Variants in SLC23A2 observed in about 807,000 individuals in gnomAD.
The protein encoded by SLC23A2 is solute carrier family 23 member 2, also known as Na(+)/L-ascorbic acid transporter 2.
A neutral mutation model predicts 73.3 loss-of-function variants in SLC23A2; 36 were observed. The observed-to-expected ratio is 0.49, with a 90% CI of 0.38 to 0.65. The LOEUF is 0.65. SLC23A2 is among the 30% of genes least tolerant of loss of function. The pLI is 0.00. For missense variants in SLC23A2, 507 were observed against 841.6 expected (o/e 0.60, Z 4.92); for synonymous variants, 343 against 327.3 (o/e 1.05, Z -0.52).
rs546987001 is a variant in SLC23A2, at chr20:4,872,376, G to A, written c.1102+1560C>T. On this transcript the variant is annotated intron_variant, in intron 11 of 16. Transcript: ENST00000338244. This position sits in a 1 kb window ranked among gnomAD's most constrained non-coding sequence, Gnocchi z 4.4. The stretch of plus-strand genomic sequence containing the variant: ...CCAGGAGCCCTACGTGCTCGCTCAC[G>A]GCCAGCACAACCTCAGGCGCTCTGT... Among the ~76,000 whole-genome samples the A allele has an allele frequency of 5.1e-4, 78 of 152,240 alleles. No individual in the cohort carries two copies. The highest frequency in any genetic ancestry group is 1.2e-3 in the African/African-American group (51 of 41,548).
chr20:4,986,689 C>CACAG (rs71197739), intron 1 of SLC23A2, among the ~76,000 whole-genome samples: 3 of 129,964 alleles, frequency 2.3e-5, no homozygotes, highest in South Asian at 2.8e-4. Flanking sequence ...CACACACACA[C>CACAG]AGAGATGAAT....
rs1201195893 is a variant in SLC23A2 at position 4,998,475 on chromosome 20, G to C, written c.-282+2931C>G. Reference sequence around the variant, plus strand: ...GAGAAAATGAGAAGAACGGCATAGCGCACAAAGGGCTCGTTTCAACCTAGA... The same window carrying C: ...GAGAAAATGAGAAGAACGGCATAGCCCACAAAGGGCTCGTTTCAACCTAGA... On this transcript the variant is annotated intron_variant, in intron 1 of 16. Transcript: ENST00000338244. This position sits in a 1 kb window ranked among gnomAD's most constrained non-coding sequence, Gnocchi z 4.1. Among the ~76,000 whole-genome samples the C allele has an allele frequency of 6.6e-6, 1 of 152,090 alleles. No individual in the cohort carries two copies. The highest frequency in any genetic ancestry group is 2.4e-5 in the African/African-American group (1 of 41,416).
At chr20:4,962,551 T>C (rs937204003) in intron 2 of SLC23A2, among the ~76,000 whole-genome samples, 2 of 152,118 alleles carry the variant, frequency 1.3e-5, no homozygotes, top group African/African-American at 4.8e-5. Context: ...AGAGCTGATA[T>C]AAACTGGAAG....
intron 2 of SLC23A2, among the ~76,000 whole-genome samples, chr20:4,938,784 C>T (rs2086999626): frequency 6.6e-6 from 1 of 152,186 alleles, no homozygotes; most frequent in Admixed American, 6.5e-5. Flanking sequence ...CCCCCTTTCC[C>T]AGTCCCTCAT....
At chr20:4,892,275 C>G (rs1293669876) in intron 6 of SLC23A2, among the ~76,000 whole-genome samples, 4 of 152,144 alleles carry the variant, frequency 2.6e-5, no homozygotes, top group Non-Finnish European at 5.9e-5. Context: ...CAACCTCTGC[C>G]TCTCGGGTTC....
chr20:4,897,080 T>A (rs530147223), intron 6 of SLC23A2, among the ~76,000 whole-genome samples: 21 of 152,192 alleles, frequency 1.4e-4, no homozygotes, highest in Non-Finnish European at 2.6e-4. Context: ...CTGCAAGCCA[T>A]GTGCTTCGAT....
At chr20:4,892,099 G>A (rs926531437) in intron 6 of SLC23A2, among the ~76,000 whole-genome samples, 1 of 152,026 alleles carries the variant, frequency 6.6e-6, no homozygotes, top group Non-Finnish European at 1.5e-5. Flanking sequence ...AACAGGGCTT[G>A]GAGAGAGCTT....
At chr20:4,982,386 C>T (rs1357499700) in intron 1 of SLC23A2, among the ~76,000 whole-genome samples, 1 of 152,190 alleles carries the variant, frequency 6.6e-6, no homozygotes, top group Non-Finnish European at 1.5e-5. Flanking sequence ...TGCAGATAAA[C>T]ATTGTCTCAA....
At chr20:5,003,152 G>T (rs991079316), upstream of SLC23A2, among the ~76,000 whole-genome samples, 9 of 152,178 alleles carry the variant, frequency 5.9e-5, no homozygotes, top group Admixed American at 6.5e-5. Flanking sequence ...GGGAGGCCGA[G>T]GCAGGCGGAT....
intron 1 of SLC23A2, among the ~76,000 whole-genome samples, chr20:4,989,937 G>C (rs1172688339): frequency 3.3e-5 from 5 of 152,050 alleles, no homozygotes; most frequent in Admixed American, 6.6e-5. Flanking sequence ...CACACCAAAG[G>C]ACTCCACTTC....
chr20:4,900,853 T>C (rs1278131193), intron 5 of SLC23A2, among the ~76,000 whole-genome samples: 2 of 152,194 alleles, frequency 1.3e-5, no homozygotes, highest in African/African-American at 4.8e-5. Context: ...GCAAACTTCC[T>C]ACTTTTCTTC....
chr20:4,890,388 C>T (rs1226646376), intron 6 of SLC23A2, among the ~76,000 whole-genome samples: 3 of 152,174 alleles, frequency 2.0e-5, no homozygotes, highest in Non-Finnish European at 4.4e-5. Flanking sequence ...CGTGGTGGCT[C>T]ATGCCTGTAA....
At position 4,867,793 on chromosome 20, in the gene SLC23A2, T is replaced by A; in HGVS notation, c.1333A>T (p.Ile445Phe). The A allele has an allele frequency of 6.3e-7, 1 of 1,599,736 alleles. No homozygotes were observed. Among genetic ancestry groups the A allele is most frequent in the Non-Finnish European group, 8.6e-7 (1 of 1,167,536 alleles). Reference sequence around the variant, plus strand: ...ACCTTTGTAATTCCCAAAACTCCAATGTTGGGACTGGATGAAGTAGAGCCA... The same window carrying A: ...ACCTTTGTAATTCCCAAAACTCCAAAGTTGGGACTGGATGAAGTAGAGCCA... ...GNGSTSSSPN[I>F]GVLGITKVGS... Residue 445 changes from isoleucine to phenylalanine, a missense_variant, in exon 13 of 17, where the codon ATT becomes TTT. Physicochemically the swap from Ile to Phe is conservative, Grantham distance 21. This residue lies in a region of SLC23A2 where 168 missense variants were observed against 302.3 expected (regional missense o/e 0.56). Transcript: ENST00000338244.
chr20:4,932,419 A>G (rs1283807074), intron 3 of SLC23A2, 36 bp downstream of exon 3: 2 of 1,156,754 alleles, frequency 1.7e-6, no homozygotes, highest in Non-Finnish European at 2.6e-6. Context: ...ACTACTTTCA[A>G]GAGATTTAAG....
chr20:4,957,863 T>C (rs1375828689), intron 2 of SLC23A2, among the ~76,000 whole-genome samples: 2 of 146,216 alleles, frequency 1.4e-5, no homozygotes, highest in Non-Finnish European at 3.0e-5. Context: ...ATCGTCCCAC[T>C]GCACTCCAGC....
At position 4,868,007 on chromosome 20, in the gene SLC23A2, G is replaced by C. The variant is rs531542502; in HGVS notation, c.1251-132C>G. The C allele has an allele frequency of 3.3e-4, 188 of 574,186 alleles. 2 individuals are homozygous for C. The highest frequency in any genetic ancestry group is 4.8e-4 in the African/African-American group (24 of 50,050). The allele number at this position is 574,186 out of a possible 1,614,324, so 35.6% of individuals were successfully genotyped here. A position where few individuals can be genotyped will look rare whatever the true frequency, so the allele number is the denominator to read the frequency against. ...CAGCTTCCACATCTCCTGGGAGCTG[G>C]GAGGGCGATTAAAAATACAATCTCA... On this transcript the variant is annotated intron_variant, in intron 12 of 16. Transcript: ENST00000338244. The surrounding 1 kb of genome is among the most constrained non-coding windows in gnomAD (Gnocchi z 4.4).
chr20:4,985,136 C>CAA (rs56246524), intron 1 of SLC23A2, among the ~76,000 whole-genome samples: 5 of 103,986 alleles, frequency 4.8e-5, no homozygotes, highest in Admixed American at 2.1e-4. Context: ...ACTCCGTCTC[C>CAA]AAAAAAAAAA....
chr20:4,869,896 A>G lies in SLC23A2; in HGVS notation c.1250+10T>C. The G allele has an allele frequency of 6.4e-7, 1 of 1,568,958 alleles. No individual in the cohort carries two copies. Among genetic ancestry groups the G allele is most frequent in the Admixed American group, 1.7e-5 (1 of 58,770 alleles). On this transcript the variant is annotated intron_variant, in intron 12 of 16. Coordinates refer to ENST00000338244, the MANE Select transcript of SLC23A2 (RefSeq NM_005116.6). ...GGACCAATCAGGAACTTGTCTTCTC[A>G]GGAACGTACCTGTTTATTGCGTGGA... is the stretch of plus-strand genomic sequence containing the variant.
At chr20:4,880,395 C>T (rs763092385) in intron 9 of SLC23A2, among the ~76,000 whole-genome samples, 1 of 152,112 alleles carries the variant, frequency 6.6e-6, no homozygotes, top group Non-Finnish European at 1.5e-5. Context: ...AACCTGCTCA[C>T]TGAGCACCAG....
Sources: allele counts gnomAD v4.1 joint callset (sites outside exome capture counted in the v4.1 genomes callset), GRCh38; gene constraint gnomAD v4.1.1; regional missense constraint gnomAD v4.1.1; non-coding constraint Gnocchi (gnomAD v3.1); transcripts MANE v1.5; gene names NCBI Gene and HGNC (gene_info 2026-07-23, HGNC 2026-07-21).